The following DNAJC6 variants were observed in gnomAD, a reference collection of about 807,000 sequenced individuals.
DNAJC6 encodes auxilin.
In DNAJC6, 34 loss-of-function variants were observed where a neutral mutation model predicts 110.0. That is an observed-to-expected ratio of 0.31 (90% confidence interval 0.24 to 0.41). The LOEUF (loss-of-function observed/expected upper bound fraction) is 0.41, where lower values mean the gene tolerates loss of function less well. DNAJC6 is among the 10% of genes least tolerant of loss of function. The pLI is 1.00. For synonymous variants in DNAJC6, 406 were observed against 437.2 expected, an observed-to-expected ratio of 0.93 and a Z score of 0.89; for missense variants, 1,031 against 1,207.8, an observed-to-expected ratio of 0.85 and a Z score of 2.17.
At chr1:65,410,300 ATATAAC>A in intron 17 of DNAJC6, among the ~76,000 whole-genome samples, 1 of 152,320 alleles carries the variant, frequency 6.6e-6, no homozygotes, top group African/African-American at 2.4e-5. Context: ...TATACATCTA[ATATAAC>A]TTAGATTCTT....
chr1:65,329,836 A>G (rs1330228168), intron 1 of DNAJC6, among the ~76,000 whole-genome samples: 2 of 152,184 alleles, frequency 1.3e-5, no homozygotes, highest in Non-Finnish European at 2.9e-5. Context: ...TTGCTGGACA[A>G]GAAACATTGC....
At chr1:65,375,153 G>A (rs1385407325) in intron 4 of DNAJC6, among the ~76,000 whole-genome samples, 3 of 151,910 alleles carry the variant, frequency 2.0e-5, no homozygotes, top group Non-Finnish European at 4.4e-5. Flanking sequence ...TGGTAGAGAC[G>A]GGGTTTCACC....
In DNAJC6 at chr1:65,394,094, C is replaced by T. The variant is rs897344692; in HGVS notation, c.1904-804C>T. 8.6e-5 allele frequency among the ~76,000 whole-genome samples: 12 copies of T among 138,790 alleles called. 1 individual carries two copies. The South Asian group carries it at 1.1e-3, about 13-fold the overall frequency. The allele number at this position is 138,790 out of a possible 152,430, so 91.1% of individuals were successfully genotyped here. On this transcript the variant is annotated intron_variant, in intron 12 of 18. Coordinates refer to ENST00000371069, the MANE Select transcript of DNAJC6 (RefSeq NM_001256864.2). ...TGTCAGGAAAACAGTTTCCAAGATCCAAGATATCAGTACTCGATAATTGCA... is the reference window on the plus strand; with the variant it reads ...TGTCAGGAAAACAGTTTCCAAGATCTAAGATATCAGTACTCGATAATTGCA...
chr1:65,409,210 T>C (rs1382241857), intron 17 of DNAJC6, among the ~76,000 whole-genome samples: 6 of 152,160 alleles, frequency 3.9e-5, no homozygotes, highest in South Asian at 2.1e-4. Context: ...AATTTCAACA[T>C]AGCAATTTTG....
At chr1:65,374,219 C>T (rs1645737261) in intron 4 of DNAJC6, among the ~76,000 whole-genome samples, 1 of 152,000 alleles carries the variant, frequency 6.6e-6, no homozygotes, top group Non-Finnish European at 1.5e-5. Flanking sequence ...TGATGTGATG[C>T]CTCTAACTTT....
In DNAJC6 at chr1:65,309,633, A is replaced by T. The variant is rs1171512003; in HGVS notation, c.-113A>T. The T allele has an allele frequency of 7.2e-7, 1 of 1,393,752 alleles. No individual in the cohort carries two copies. Among genetic ancestry groups the T allele is most frequent in the Non-Finnish European group, 9.2e-7 (1 of 1,081,162 alleles). 86.3% of individuals were successfully genotyped at this position (1,393,752 alleles called of 1,614,324 possible). On this transcript the variant is annotated 5_prime_UTR_variant, in exon 1 of 19. It removes an upstream start codon present in the reference 5' UTR. Coordinates refer to ENST00000371069, the MANE Select transcript of DNAJC6 (RefSeq NM_001256864.2). The stretch of plus-strand genomic sequence containing the variant: ...CCTTCTTTTCCCTCCTCTTTGCGTC[A>T]TGTCGGGCACTTAATTTTTTTTTTT...
At chr1:65,390,913 T>C (rs1645920237) in intron 11 of DNAJC6, among the ~76,000 whole-genome samples, 1 of 151,984 alleles carries the variant, frequency 6.6e-6, no homozygotes, top group African/African-American at 2.4e-5. Context: ...AGCGAGGGCT[T>C]TTAATACAAC....
chr1:65,359,339 T>C (rs933875297), intron 1 of DNAJC6, among the ~76,000 whole-genome samples: 1 of 152,174 alleles, frequency 6.6e-6, no homozygotes, highest in African/African-American at 2.4e-5. Context: ...CTGCGTCTAG[T>C]TTCCCAAACA....
At chr1:65,402,716 T>G (rs944805969) in intron 15 of DNAJC6, among the ~76,000 whole-genome samples, 1 of 152,208 alleles carries the variant, frequency 6.6e-6, no homozygotes, top group Non-Finnish European at 1.5e-5. Flanking sequence ...TAGAGCCAGA[T>G]GGAGGGAATG....
chr1:65,289,670 C>T (rs1450984675), intron 1 of DNAJC6, among the ~76,000 whole-genome samples: 1 of 152,180 alleles, frequency 6.6e-6, no homozygotes, highest in African/African-American at 2.4e-5. Flanking sequence ...TCCCAGCCAC[C>T]AGAACCATAA....
At chr1:65,313,352 ACCATGCTTGG>A (rs1645120163) in intron 1 of DNAJC6, among the ~76,000 whole-genome samples, 1 of 151,976 alleles carries the variant, frequency 6.6e-6, no homozygotes, top group Non-Finnish European at 1.5e-5. Context: ...GACATGAACC[ACCATGCTTGG>A]CCTGTTCCCA....
chr1:65,301,350 T>G (rs544147242), intron 1 of DNAJC6, among the ~76,000 whole-genome samples: 218 of 152,162 alleles, frequency 1.4e-3, no homozygotes, highest in African/African-American at 5.1e-3. Flanking sequence ...AACAATCAAT[T>G]CTGCAGTGGA....
At chr1:65,284,322 T>G (rs769872306) in intron 1 of DNAJC6, among the ~76,000 whole-genome samples, 1 of 152,178 alleles carries the variant, frequency 6.6e-6, no homozygotes, top group Non-Finnish European at 1.5e-5. Context: ...TGCCTTTCTG[T>G]TTCTTGCAGA....
rs1557551212 is a variant in DNAJC6, at chr1:65,379,519, T to C, written c.661T>C (p.Cys221Arg). 5 of 1,614,060 alleles carry C rather than the reference T, an allele frequency of 3.1e-6. No homozygotes were observed. Among genetic ancestry groups the C allele is most frequent in the Non-Finnish European group, 3.4e-6 (4 of 1,179,940 alleles). The change falls in exon 5 of 19, where the codon TGC (cysteine) becomes CGC (arginine). Residue 221 changes from cysteine to arginine, a missense_variant. Coordinates refer to ENST00000371069, the MANE Select transcript of DNAJC6 (RefSeq NM_001256864.2). ...TCCCAAAAATGTCTGTGTTGTCCAC[T>C]GCTTGGTGAGTAACCTTTTGTTGTT... ...QNPKNVCVVHCLDGRAASSIL... is the reference protein window; with the variant it reads ...QNPKNVCVVHRLDGRAASSIL...
Position 65,389,242 on chromosome 1 carries a change from A to T in DNAJC6, c.1194-14A>T, listed in dbSNP as rs755634908. 1.2e-6 allele frequency: 2 copies of T among 1,606,738 alleles called. No individual in the cohort carries two copies. The highest frequency in any genetic ancestry group is 3.4e-5 in the Admixed American group (2 of 58,838). On this transcript the variant is annotated splice_polypyrimidine_tract_variant and intron_variant, in intron 9 of 18. Transcript: ENST00000371069. Reference sequence around the variant, plus strand: ...GTTTTTCACTGAATTTATCTTTTTTAAATCCCTATTTAGGCCTGAGTTAGA... The same window carrying T: ...GTTTTTCACTGAATTTATCTTTTTTTAATCCCTATTTAGGCCTGAGTTAGA...
At chr1:65,353,372 C>G (rs1363536785) in intron 1 of DNAJC6, among the ~76,000 whole-genome samples, 1 of 152,126 alleles carries the variant, frequency 6.6e-6, no homozygotes, top group East Asian at 1.9e-4. Context: ...TATTTAGACC[C>G]CTTTTCCCTG....
At chr1:65,365,115 T>G (rs1283594529) in intron 2 of DNAJC6, among the ~76,000 whole-genome samples, 1 of 152,196 alleles carries the variant, frequency 6.6e-6, no homozygotes, top group Non-Finnish European at 1.5e-5. Flanking sequence ...AGCTTTTTTT[T>G]TATACCCTGA....
At chr1:65,396,991 G>A (rs556753539) in intron 13 of DNAJC6, among the ~76,000 whole-genome samples, 14 of 152,258 alleles carry the variant, frequency 9.2e-5, no homozygotes, top group African/African-American at 3.4e-4. Context: ...TCCCATGGAC[G>A]TGGGTGTTCA....
chr1:65,380,804 C>G (rs1645809809), intron 5 of DNAJC6, among the ~76,000 whole-genome samples: 2 of 151,098 alleles, frequency 1.3e-5, no homozygotes, highest in African/African-American at 4.9e-5. Context: ...CTACAGGGTG[C>G]TCAATAAGCT....
Sources: gnomAD v4.1 joint callset for allele counts (sites outside exome capture counted in the v4.1 genomes callset) on GRCh38, gnomAD v4.1.1 for gene constraint, MANE v1.5 for transcripts, NCBI Gene and HGNC (gene_info 2026-07-23, HGNC 2026-07-21) for gene names.